The following TCEA1 variants were observed in gnomAD, a reference collection of about 807,000 sequenced individuals.
TCEA1 encodes the protein transcription elongation factor A protein 1.
In TCEA1, 21 loss-of-function variants were observed where a neutral mutation model predicts 43.8. The observed-to-expected ratio is 0.48, with a 90% CI of 0.34 to 0.69. The LOEUF is 0.69. TCEA1 is among the 30% of genes least tolerant of loss of function. The pLI is 0.01. For synonymous variants in TCEA1, 104 were observed against 117.5 expected (o/e 0.88, Z 0.75); for missense variants, 250 against 365.1 (o/e 0.68, Z 2.57).
rs202198997 is a variant in TCEA1 at position 53,983,439 on chromosome 8, C to G, written c.678+924G>C. The stretch of plus-strand genomic sequence containing the variant: ...AGCTAATATCTATGAACAACCATGT[C>G]TATAAATAGCAAGCTATAAATTTCA... On this transcript the variant is annotated intron_variant, in intron 7 of 9. Coordinates refer to ENST00000521604, the MANE Select transcript of TCEA1 (RefSeq NM_006756.4). 3.3e-5 allele frequency among the ~76,000 whole-genome samples: 5 copies of G among 152,302 alleles called. No homozygotes were observed. In the East Asian group the frequency reaches 9.7e-4, roughly 29 times the overall value.
rs1238499013 is a variant in TCEA1, at chr8:53,988,203, T to G, written c.377A>C (p.Tyr126Ser). 8.1e-6 allele frequency: 13 copies of G among 1,613,430 alleles called. No homozygotes were observed. Among genetic ancestry groups the G allele is most frequent in the Non-Finnish European group, 1.7e-6 (2 of 1,179,714 alleles). ...TGGTGCCCGAGGAAAGGATGAAACA[T>G]AAGTATCTCGAGCATTTGTCTCATC... ...RKDETNARDT[Y>S]VSSFPRAPST... The change falls in exon 5 of 10, where the codon TAT (tyrosine) becomes TCT (serine). Residue 126 changes from tyrosine (Y) to serine (S), a missense_variant. This residue lies in a region of TCEA1 where 147 missense variants were observed against 160.3 expected (regional missense o/e 0.92). Coordinates refer to ENST00000521604, the MANE Select transcript of TCEA1 (RefSeq NM_006756.4).
At chr8:53,979,786 T>C (rs1258582606) in intron 7 of TCEA1, among the ~76,000 whole-genome samples, 1 of 152,182 alleles carries the variant, frequency 6.6e-6, no homozygotes, top group African/African-American at 2.4e-5. Context: ...ACATTATTAT[T>C]GTAGAACCTG....
rs183388947 is a variant in TCEA1, at chr8:53,971,735, T to C, written c.826-1272A>G. ...CTGATTCTGATCTTTCTGATAAAGA[T>C]AGCAAAGCAATGAATCAAAAGAAAA... On this transcript the variant is annotated intron_variant, in intron 8 of 9. Coordinates refer to ENST00000521604, the MANE Select transcript of TCEA1 (RefSeq NM_006756.4). 1.5e-4 allele frequency: 33 copies of C among 218,384 alleles called. No individual in the cohort carries two copies. The East Asian group carries it at 3.3e-3, about 22-fold the overall frequency. The allele number at this position is 218,384 out of a possible 1,614,324, so 13.5% of individuals were successfully genotyped here.
chr8:54,021,156 T>C (rs928974866), intron 1 of TCEA1, among the ~76,000 whole-genome samples: 2 of 152,160 alleles, frequency 1.3e-5, no homozygotes, highest in African/African-American at 4.8e-5. Flanking sequence ...GCCATTGCAC[T>C]CCAGCTTGTG....
rs921760460 is a variant in TCEA1, at chr8:53,968,373, T to A, written c.898-261A>T. Among the ~76,000 whole-genome samples, 87 of 118,686 alleles carry A rather than the reference T, an allele frequency of 7.3e-4. No homozygotes were observed. Among genetic ancestry groups the A allele is most frequent in the African/African-American group, 4.9e-3 (81 of 16,472 alleles). 77.9% of individuals were successfully genotyped at this position (118,686 alleles called of 152,430 possible). On this transcript the variant is annotated intron_variant, in intron 9 of 9. Transcript: ENST00000521604. ...TACCTCTTTATAATGTTTTTAAGGT[T>A]AAAAAAAAAAAAATAACAATTCCAA...
At chr8:53,977,770 AAAG>A (rs1193217793) in intron 8 of TCEA1, among the ~76,000 whole-genome samples, 1 of 152,076 alleles carries the variant, frequency 6.6e-6, no homozygotes, top group Non-Finnish European at 1.5e-5. Flanking sequence ...TTCAGCTGTT[AAAG>A]AATAAAAAGG....
chr8:54,021,901 C>T, intron 1 of TCEA1, 162 bp downstream of exon 1: 1 of 548,600 alleles, frequency 1.8e-6, no homozygotes, highest in South Asian at 4.7e-5. Flanking sequence ...GGACCCGACG[C>T]CCCGGGCCCG....
intron 3 of TCEA1, among the ~76,000 whole-genome samples, chr8:53,997,406 C>T (rs372962219): frequency 3.9e-5 from 6 of 152,204 alleles, no homozygotes; most frequent in African/African-American, 1.2e-4. Context: ...CACAGAATGG[C>T]TATTAGCTAC....
rs756311513 is a variant in TCEA1, at chr8:53,979,019, A to C, written c.825+6T>G. On this transcript the variant is annotated splice_donor_region_variant and intron_variant, in intron 8 of 9. Coordinates refer to ENST00000521604, the MANE Select transcript of TCEA1 (RefSeq NM_006756.4). ...TAAAAATAAGAATCTATAAACAATCACAAACCTGTGTGTAAGTGCAATTCT... is the reference window on the plus strand; with the variant it reads ...TAAAAATAAGAATCTATAAACAATCCCAAACCTGTGTGTAAGTGCAATTCT... 2 of 1,606,370 alleles carry C rather than the reference A, an allele frequency of 1.2e-6. No homozygotes were observed.
Position 53,979,383 on chromosome 8 carries a change from T to C in TCEA1, c.679-212A>G, listed in dbSNP as rs1007087569. On this transcript the variant is annotated intron_variant, in intron 7 of 9. Transcript: ENST00000521604. ...ATACTTAAAAGTTTACATGTGAAAA[T>C]TGGATTTAAGTACTGTTTAAAGGCT... Among the ~76,000 whole-genome samples the C allele has an allele frequency of 7.2e-5, 11 of 152,034 alleles. 1 individual carries two copies. The highest frequency in any genetic ancestry group is 4.1e-4 in the South Asian group (2 of 4,830).
intron 2 of TCEA1, among the ~76,000 whole-genome samples, chr8:54,003,289 T>C (rs1456271697): frequency 1.3e-5 from 2 of 152,200 alleles, no homozygotes; most frequent in Non-Finnish European, 2.9e-5. Context: ...ACTGCAATAC[T>C]AATCAAGTCG....
intron 7 of TCEA1, among the ~76,000 whole-genome samples, chr8:53,982,366 G>C (rs1350515927): frequency 6.6e-6 from 1 of 152,078 alleles, no homozygotes; most frequent in Non-Finnish European, 1.5e-5. Flanking sequence ...CCAGAACTTT[G>C]GAAGGCCGAG....
chr8:53,991,010 C>G (rs1239269560), intron 4 of TCEA1, among the ~76,000 whole-genome samples: 1 of 151,996 alleles, frequency 6.6e-6, no homozygotes, highest in Non-Finnish European at 1.5e-5. Flanking sequence ...AGATAGATAC[C>G]AATCAGTTAC....
intron 8 of TCEA1, among the ~76,000 whole-genome samples, chr8:53,978,270 A>G (rs1585992512): frequency 1.3e-5 from 2 of 152,300 alleles, no homozygotes; most frequent in East Asian, 3.9e-4. Flanking sequence ...AAAAAAAATC[A>G]TTCTTACACT....
intron 1 of TCEA1, among the ~76,000 whole-genome samples, chr8:54,011,461 T>C (rs1804649640): frequency 6.6e-6 from 1 of 152,246 alleles, no homozygotes; most frequent in Admixed American, 6.5e-5. Context: ...CTCTCTCAGA[T>C]TTCCTTCCAA....
chr8:53,977,951 G>A (rs569647286), intron 8 of TCEA1, among the ~76,000 whole-genome samples: 16 of 152,226 alleles, frequency 1.1e-4, no homozygotes, highest in African/African-American at 3.6e-4. Flanking sequence ...AATTTACCTA[G>A]TAACCAATAC....
rs1222668598 is a variant in TCEA1 at position 53,970,471 on chromosome 8, AAAATT to A, written c.826-13_826-9del. On this transcript the variant is annotated splice_polypyrimidine_tract_variant and intron_variant, in intron 8 of 9. Transcript: ENST00000521604. ...AGCACTACGGGTTTGTACCTGCAGC[AAAATT>A]AAATTAAATGTACTTTTTGCAGTAC... 8 of 1,588,234 alleles carry A rather than the reference AAAATT, an allele frequency of 5.0e-6. No individual in the cohort carries two copies. The East Asian group carries it at 9.0e-5, about 18-fold the overall frequency.
At chr8:54,017,305 T>G (rs1586042536) in intron 1 of TCEA1, among the ~76,000 whole-genome samples, 1 of 152,208 alleles carries the variant, frequency 6.6e-6, no homozygotes, top group East Asian at 1.9e-4. Flanking sequence ...GGGTTTAAAC[T>G]GCACAGATTC....
chr8:53,974,376 C>G (rs1803261141), intron 8 of TCEA1, among the ~76,000 whole-genome samples: 1 of 152,018 alleles, frequency 6.6e-6, no homozygotes, highest in South Asian at 2.1e-4. Flanking sequence ...TTGTGGATGA[C>G]TGACAAATTT....
Sources: gnomAD v4.1 joint callset for allele counts (sites outside exome capture counted in the v4.1 genomes callset) on GRCh38, gnomAD v4.1.1 for gene constraint, gnomAD v4.1.1 regional missense constraint, MANE v1.5 for transcripts, NCBI Gene and HGNC (gene_info 2026-07-23, HGNC 2026-07-21) for gene names.